BAZ1B: variants seen among roughly 807,000 people sequenced by gnomAD.
BAZ1B encodes the protein bromodomain adjacent to zinc finger domain 1B.
In BAZ1B, 22 loss-of-function variants were observed where a neutral mutation model predicts 153.8. That is an observed-to-expected ratio of 0.14 (90% CI 0.10 to 0.20). The LOEUF (loss-of-function observed/expected upper bound fraction) is 0.20. Among genes scored for constraint, BAZ1B ranks in the 10% least tolerant of loss-of-function variants. The probability of loss-of-function intolerance (pLI) is 1.00; values close to 1 mark genes in which losing one functional copy is unlikely to be tolerated. For synonymous variants in BAZ1B, 676 were observed against 633.4 expected, an observed-to-expected ratio of 1.07 and a Z score of -1.01; for missense variants, 1,325 against 1,799.3, an observed-to-expected ratio of 0.74 and a Z score of 4.77.
At chr7:73,511,090 A>C (rs1448435198) in intron 1 of BAZ1B, among the ~76,000 whole-genome samples, 3 of 150,732 alleles carry the variant, frequency 2.0e-5, no homozygotes, top group African/African-American at 7.3e-5. Context: ...AACACGGTGA[A>C]ACCCCGTGTC....
chr7:73,483,820 T>C (rs1789291367), intron 6 of BAZ1B, among the ~76,000 whole-genome samples: 1 of 152,118 alleles, frequency 6.6e-6, no homozygotes, highest in African/African-American at 2.4e-5. Context: ...TTTTTGTGTA[T>C]GTAGAAACAG....
At chr7:73,464,049 AC>A in intron 11 of BAZ1B, 1 of 868,830 alleles carries the variant, frequency 1.2e-6, no homozygotes, top group Non-Finnish European at 1.4e-6. Flanking sequence ...CTGTATTCAG[AC>A]AACACAATTC....
chr7:73,500,694 C>G (rs1462207555), intron 3 of BAZ1B, among the ~76,000 whole-genome samples: 1 of 151,344 alleles, frequency 6.6e-6, no homozygotes, highest in Non-Finnish European at 1.5e-5. Flanking sequence ...AGTTTGAGAC[C>G]AGCCTGTCCA....
chr7:73,469,714 G>A, intron 8 of BAZ1B, 64 bp from the exon 9 acceptor site: 3 of 1,574,120 alleles, frequency 1.9e-6, no homozygotes, highest in Non-Finnish European at 2.6e-6. Context: ...TGATTTTACT[G>A]CTGGAGAAGA....
chr7:73,506,689 C>A (rs1790356538), intron 3 of BAZ1B, among the ~76,000 whole-genome samples: 1 of 139,552 alleles, frequency 7.2e-6, no homozygotes, highest in African/African-American at 2.7e-5. Flanking sequence ...CCGTCTCTAC[C>A]AAAAATAAAA....
intron 16 of BAZ1B, among the ~76,000 whole-genome samples, 200 bp downstream of exon 16, chr7:73,447,061 CCTT>C (rs1554566839): frequency 1.3e-5 from 2 of 152,202 alleles, no homozygotes; most frequent in Admixed American, 1.3e-4. Context: ...GATCAAGCCA[CCTT>C]CTCTCCCACC....
At chr7:73,515,442 CATG>C (rs1448440604) in intron 1 of BAZ1B, among the ~76,000 whole-genome samples, 1 of 151,332 alleles carries the variant, frequency 6.6e-6, no homozygotes, top group Non-Finnish European at 1.5e-5. Context: ...GGCTTAAAGT[CATG>C]ATGTCTTCTA....
intron 17 of BAZ1B, 52 bp downstream of exon 17, chr7:73,443,932 G>A (rs1787725068): frequency 1.9e-6 from 3 of 1,608,712 alleles, no homozygotes; most frequent in Non-Finnish European, 8.5e-7. Flanking sequence ...AATTGCTGGG[G>A]TAGGGAATAA....
chr7:73,449,619 G>A lies in BAZ1B; in HGVS notation c.3651C>T (p.Ala1217=), dbSNP rs1554567665. The A allele has an allele frequency of 1.2e-6, 2 of 1,614,138 alleles. No homozygotes were observed. Among genetic ancestry groups the A allele is most frequent in the Admixed American group, 3.3e-5 (2 of 60,012 alleles). Residue 1217 remains alanine, a synonymous_variant, in exon 15 of 20, where the codon GCC becomes GCT. Transcript: ENST00000339594. ...KAFHLFCLRP[A]LYEVPDGEWQ... is the part of the protein sequence containing the mutation. ...ACTCACCATCTGGTACTTCATAGAG[G>A]GCCGGCCTCAGACAAAACAGGTGGA...
At chr7:73,495,332 G>A (rs1789833805) in intron 4 of BAZ1B, among the ~76,000 whole-genome samples, 1 of 152,136 alleles carries the variant, frequency 6.6e-6, no homozygotes, top group Non-Finnish European at 1.5e-5. Flanking sequence ...GGCAAGTAAA[G>A]ATCAAGTCTA....
At chr7:73,441,983 GC>G (rs1787635573) in intron 19 of BAZ1B, 197 bp downstream of exon 19, 1 of 566,494 alleles carries the variant, frequency 1.8e-6, no homozygotes, top group Non-Finnish European at 3.1e-6. Context: ...GAGGGTTATG[GC>G]CCTCTTTGTC....
intron 13 of BAZ1B, among the ~76,000 whole-genome samples, chr7:73,456,923 C>CA (rs1439007301): frequency 9.2e-6 from 1 of 109,006 alleles, no homozygotes; most frequent in Non-Finnish European, 1.7e-5. Context: ...GCCTCGGCGA[C>CA]AGAGACTCTG....
chr7:73,478,356 T>G lies in BAZ1B; in HGVS notation c.1105A>C (p.Met369Leu), dbSNP rs947523996. ...SKSPEEHLEE[M>L]MKMMSPNKLH... ...TTATTGGGCGACATCATCTTCATCA[T>G]TTCTTCTAGATGTTCTTCAGGAGAT... is the stretch of plus-strand genomic sequence containing the variant. Residue 369 changes from methionine (M) to leucine (L), a missense_variant, in exon 7 of 20, where the codon ATG becomes CTG. Around this residue, in one of 9 missense-constraint regions of BAZ1B, gnomAD observed 219 missense variants for 248.2 expected, o/e 0.88. Transcript: ENST00000339594. 1.2e-6 allele frequency: 2 copies of G among 1,612,532 alleles called. No homozygotes were observed. The highest frequency in any genetic ancestry group is 1.1e-5 in the South Asian group (1 of 90,592).
rs782072571 is a variant in BAZ1B, at chr7:73,498,647, C to T, written c.421G>A (p.Glu141Lys). 8.7e-6 allele frequency: 14 copies of T among 1,614,134 alleles called. No homozygotes were observed. Among genetic ancestry groups the T allele is most frequent in the Admixed American group, 5.0e-5 (3 of 60,018 alleles). ...KVKIVKIHPL[E>K]KVDEEATEKK... Reference sequence around the variant, plus strand: ...TCAGTGGCCTCTTCATCCACTTTCTCCAAAGGATGAATCTTCACAATCTTC... The same window carrying T: ...TCAGTGGCCTCTTCATCCACTTTCTTCAAAGGATGAATCTTCACAATCTTC... Residue 141 changes from glutamate (E) to lysine (K), a missense_variant, in exon 4 of 20, where the codon GAG (glutamate) becomes AAG (lysine). Coordinates refer to ENST00000339594, the MANE Select transcript of BAZ1B (RefSeq NM_032408.4).
intron 1 of BAZ1B, among the ~76,000 whole-genome samples, chr7:73,516,179 ATTAT>A (rs781904535): frequency 1.2e-4 from 19 of 152,046 alleles, no homozygotes; most frequent in Admixed American, 5.2e-4. Context: ...TTTCTTTTTT[ATTAT>A]TTATTTATGT....
intron 12 of BAZ1B, among the ~76,000 whole-genome samples, chr7:73,461,897 C>CAGGG (rs1281303593): frequency 7.9e-5 from 12 of 152,278 alleles, no homozygotes; most frequent in South Asian, 6.2e-4. Flanking sequence ...TGAGATCAGC[C>CAGGG]AGGGCAACAT....
At chr7:73,499,013 G>A (rs1790023091) in intron 3 of BAZ1B, among the ~76,000 whole-genome samples, 1 of 152,034 alleles carries the variant, frequency 6.6e-6, no homozygotes, top group Admixed American at 6.6e-5. Context: ...TTACATTTTT[G>A]TATGTATTTA....
intron 6 of BAZ1B, among the ~76,000 whole-genome samples, chr7:73,488,593 G>A (rs1411221862): frequency 6.6e-6 from 1 of 151,784 alleles, no homozygotes; most frequent in Non-Finnish European, 1.5e-5. Flanking sequence ...TTAGCCAGGT[G>A]TGGTGGCACA....
chr7:73,497,793 T>C lies in BAZ1B; in HGVS notation c.571+704A>G, dbSNP rs149553259. Among the ~76,000 whole-genome samples the C allele has an allele frequency of 2.5e-3, 378 of 152,282 alleles. 2 individuals are homozygous for C. Among genetic ancestry groups the C allele is most frequent in the African/African-American group, 7.6e-3 (315 of 41,570 alleles). On this transcript the variant is annotated intron_variant, in intron 4 of 19. Coordinates refer to ENST00000339594, the MANE Select transcript of BAZ1B (RefSeq NM_032408.4). ...GTGAGCTGTACCTAAAACCATCACA[T>C]TGGCTTATAATGTGAAGATCAGGGT...
Sources: allele counts gnomAD v4.1 joint callset (sites outside exome capture counted in the v4.1 genomes callset), GRCh38; gene constraint gnomAD v4.1.1; regional missense constraint gnomAD v4.1.1; transcripts MANE v1.5; gene names NCBI Gene and HGNC (gene_info 2026-07-23, HGNC 2026-07-21).